MEF2C: variants seen among roughly 807,000 people sequenced by gnomAD.
The protein encoded by MEF2C is myocyte-specific enhancer factor 2C.
A neutral mutation model predicts 50.5 loss-of-function variants in MEF2C; 6 were observed. That is an observed-to-expected ratio of 0.12 (90% CI 0.07 to 0.23). The LOEUF (loss-of-function observed/expected upper bound fraction) is 0.23. MEF2C is among the 10% of genes least tolerant of loss of function. The pLI, the probability that MEF2C is intolerant of heterozygous loss-of-function variation, is 1.00. For missense variants in MEF2C, 276 were observed against 605.0 expected (o/e 0.46, Z 5.70); for synonymous variants, 183 against 228.0 (o/e 0.80, Z 1.78).
At chr5:88,786,630 C>T (rs973218601) in intron 3 of MEF2C, among the ~76,000 whole-genome samples, 2 of 152,128 alleles carry the variant, frequency 1.3e-5, no homozygotes, top group South Asian at 2.1e-4. Context: ...AAAAACCATA[C>T]ATTAAAAAAT....
intron 3 of MEF2C, among the ~76,000 whole-genome samples, chr5:88,775,424 G>A (rs983290187): frequency 6.6e-6 from 1 of 152,092 alleles, no homozygotes; most frequent in Non-Finnish European, 1.5e-5. Flanking sequence ...TTGCATTATG[G>A]CAAATAGATC....
chr5:88,734,920 T>A, intron 6 of MEF2C: 1 of 984,412 alleles, frequency 1.0e-6, no homozygotes, highest in Non-Finnish European at 1.2e-6. Flanking sequence ...CATCAAGTTA[T>A]TTTTAAGAAC....
intron 2 of MEF2C, among the ~76,000 whole-genome samples, chr5:88,818,767 A>G (rs902979351): frequency 6.6e-6 from 1 of 151,778 alleles, no homozygotes; most frequent in Non-Finnish European, 1.5e-5. Flanking sequence ...TACCTGTTCC[A>G]CTTTTCCATC....
At chr5:88,875,993 T>C (rs960175346) in intron 1 of MEF2C, among the ~76,000 whole-genome samples, 1 of 151,890 alleles carries the variant, frequency 6.6e-6, no homozygotes, top group African/African-American at 2.4e-5. Flanking sequence ...AAAGAGTTTA[T>C]TTTTCTTTCT....
At chr5:88,775,839 T>G (rs1784498173) in intron 3 of MEF2C, 1 of 982,292 alleles carries the variant, frequency 1.0e-6, no homozygotes, top group African/African-American at 1.7e-5. Context: ...GAGAGTATTT[T>G]TGTGTGTGTG....
chr5:88,869,296 CACAT>C (rs1201160191), intron 1 of MEF2C, among the ~76,000 whole-genome samples: 15 of 104,866 alleles, frequency 1.4e-4, no homozygotes, highest in South Asian at 5.9e-4. Context: ...TATATATATA[CACAT>C]ATATATATAT....
chr5:88,730,287 T>C, intron 7 of MEF2C, 53 bp from the exon 8 acceptor site: 4 of 1,543,858 alleles, frequency 2.6e-6, no homozygotes, highest in Non-Finnish European at 3.5e-6. Context: ...ATATTTATAA[T>C]TGGGCAAAAT....
intron 2 of MEF2C, among the ~76,000 whole-genome samples, chr5:88,823,468 T>A (rs1400195209): frequency 6.6e-6 from 1 of 151,966 alleles, no homozygotes; most frequent in Non-Finnish European, 1.5e-5. Flanking sequence ...AAGCTATTCA[T>A]GTCACACAAC....
At chr5:88,798,186 G>A (rs1350840512) in intron 3 of MEF2C, among the ~76,000 whole-genome samples, 2 of 152,146 alleles carry the variant, frequency 1.3e-5, no homozygotes, top group African/African-American at 4.8e-5. Flanking sequence ...ATGTTGGCCT[G>A]TCTTGCTAGG....
At chr5:88,823,584 G>A in intron 2 of MEF2C, 151 bp downstream of exon 2, 1 of 605,784 alleles carries the variant, frequency 1.7e-6, no homozygotes, top group Non-Finnish European at 2.7e-6. Context: ...TTATATATAA[G>A]AGACTATCAG....
rs1821340358 is a variant in MEF2C, at chr5:88,851,489, A to T, written c.-142-27559T>A. Among the ~76,000 whole-genome samples the T allele has an allele frequency of 2.6e-5, 4 of 152,260 alleles. No individual in the cohort carries two copies. In the South Asian group the frequency reaches 8.3e-4, roughly 31 times the overall value. On this transcript the variant is annotated intron_variant, in intron 1 of 10. Transcript: ENST00000504921. ...CTTTGCTTCATTTTTGAATAATGCC[A>T]TGACTTCACTTTGTCTTCCATTTTG...
rs540999497 is a variant in MEF2C at position 88,850,841 on chromosome 5, C to T, written c.-142-26911G>A. On this transcript the variant is annotated intron_variant, in intron 1 of 10. Transcript: ENST00000504921. ...AGTCCACTTACACATGAATTTTCTT[C>T]CATCTCTACCACCCGAGACAGCAAG... Among the ~76,000 whole-genome samples, 104 of 152,174 alleles carry T rather than the reference C, an allele frequency of 6.8e-4. No homozygotes were observed. In the South Asian group the frequency reaches 1.0e-2, roughly 15 times the overall value.
chr5:88,753,049 A>C (rs1358418510), intron 4 of MEF2C, among the ~76,000 whole-genome samples: 1 of 152,240 alleles, frequency 6.6e-6, no homozygotes, highest in Non-Finnish European at 1.5e-5. Flanking sequence ...GTTATTGTGC[A>C]AATTTAAATG....
rs147607676 is a variant in MEF2C, at chr5:88,724,364, C to G, written c.1101-1439G>C. Among the ~76,000 whole-genome samples, 4 of 151,986 alleles carry G rather than the reference C, an allele frequency of 2.6e-5. No individual in the cohort carries two copies. In the East Asian group the frequency reaches 7.7e-4, roughly 29 times the overall value. ...ATAGTGATATAAAATTAGTCAGAAA[C>G]GAGTTTATCTTTGAGTGATGTTTTG... On this transcript the variant is annotated intron_variant, in intron 10 of 10. Transcript: ENST00000504921.
intron 2 of MEF2C, chr5:88,819,403 T>C: frequency 6.1e-6 from 6 of 984,790 alleles, no homozygotes; most frequent in Non-Finnish European, 7.2e-6. Context: ...CTTTGCGATA[T>C]CTGGGTCCTG....
At chr5:88,741,614 A>G in intron 6 of MEF2C, 1 of 981,642 alleles carries the variant, frequency 1.0e-6, no homozygotes, top group African/African-American at 1.7e-5. Flanking sequence ...TAATGTTTGA[A>G]TATGTAAACT....
intron 3 of MEF2C, among the ~76,000 whole-genome samples, chr5:88,779,599 GTT>G (rs1190008981): frequency 3.6e-5 from 4 of 112,306 alleles, no homozygotes; most frequent in Admixed American, 9.3e-5. Flanking sequence ...GTTTGTGTAG[GTT>G]TGTGTGTGTG....
intron 2 of MEF2C, among the ~76,000 whole-genome samples, chr5:88,815,569 T>G (rs1804924028): frequency 6.6e-6 from 1 of 152,134 alleles, no homozygotes; most frequent in Non-Finnish European, 1.5e-5. Flanking sequence ...CATTACATAT[T>G]ATCAATTTTT....
chr5:88,751,494 AGTG>A, intron 5 of MEF2C: 2 of 985,452 alleles, frequency 2.0e-6, no homozygotes, highest in Non-Finnish European at 2.4e-6. Context: ...GTTTCACAGA[AGTG>A]GTAGCTTGGC....
Sources: gnomAD v4.1 joint callset for allele counts (sites outside exome capture counted in the v4.1 genomes callset) on GRCh38, gnomAD v4.1.1 for gene constraint, MANE v1.5 for transcripts, NCBI Gene and HGNC (gene_info 2026-07-23, HGNC 2026-07-21) for gene names.